The following NELL1 variants were observed in gnomAD, a reference collection of about 807,000 sequenced individuals.
NELL1 encodes neural EGFL like 1, also known as protein kinase C-binding protein NELL1.
A neutral mutation model predicts 107.4 loss-of-function variants in NELL1; 76 were observed. The observed-to-expected ratio is 0.71, with a 90% CI of 0.59 to 0.86. The LOEUF (loss-of-function observed/expected upper bound fraction) is 0.86, where lower values mean the gene tolerates loss of function less well. Ranked by LOEUF, NELL1 falls within the 40% of genes least tolerant of loss-of-function variation. NELL1 has a pLI of 0.00. For synonymous variants in NELL1, 353 were observed against 341.2 expected, an observed-to-expected ratio of 1.03 and a Z score of -0.38; for missense variants, 1,024 against 1,005.5, an observed-to-expected ratio of 1.02 and a Z score of -0.25.
chr11:20,963,499 C>T (rs1277927494), intron 12 of NELL1, among the ~76,000 whole-genome samples: 11 of 151,504 alleles, frequency 7.3e-5, no homozygotes, highest in African/African-American at 2.4e-4. Flanking sequence ...GGTTTTAACC[C>T]TATTCAATAA....
At chr11:21,564,079 G>A (rs530954499) in intron 17 of NELL1, among the ~76,000 whole-genome samples, 8 of 152,038 alleles carry the variant, frequency 5.3e-5, no homozygotes, top group African/African-American at 7.2e-5. Context: ...GCCAGGCCAC[G>A]GGATTTAGAC....
intron 13 of NELL1, among the ~76,000 whole-genome samples, chr11:21,115,401 C>T (rs1172274212): frequency 6.7e-6 from 1 of 148,694 alleles, no homozygotes; most frequent in Non-Finnish European, 1.5e-5. Flanking sequence ...TGTGTGTGTG[C>T]CTAAGAGGGA....
At chr11:21,251,402 A>G (rs895365732) in intron 14 of NELL1, among the ~76,000 whole-genome samples, 5 of 152,164 alleles carry the variant, frequency 3.3e-5, no homozygotes, top group African/African-American at 1.2e-4. Context: ...TCATGCAAAT[A>G]TGCAATTGAA....
At chr11:21,288,033 A>G (rs867505823) in intron 14 of NELL1, among the ~76,000 whole-genome samples, 3 of 40,134 alleles carry the variant, frequency 7.5e-5, no homozygotes, top group South Asian at 8.4e-4. Flanking sequence ...AAGGAAGGAA[A>G]GAAAGAAAAA....
intron 2 of NELL1, among the ~76,000 whole-genome samples, chr11:20,736,946 G>A (rs1855775986): frequency 6.6e-6 from 1 of 151,818 alleles, no homozygotes. Context: ...ATAGATACGG[G>A]GTTTCACCAT....
chr11:21,277,897 T>C (rs1848904805), intron 14 of NELL1, among the ~76,000 whole-genome samples: 1 of 152,032 alleles, frequency 6.6e-6, no homozygotes, highest in African/African-American at 2.4e-5. Flanking sequence ...CGGGGCCTGT[T>C]GTGGGGTGAG....
At chr11:20,945,811 G>A (rs1472471285) in intron 10 of NELL1, among the ~76,000 whole-genome samples, 1 of 152,212 alleles carries the variant, frequency 6.6e-6, no homozygotes, top group African/African-American at 2.4e-5. Flanking sequence ...TCATGGTCTG[G>A]ATTGAGGATT....
chr11:21,179,738 T>C (rs1856787812), intron 13 of NELL1, among the ~76,000 whole-genome samples: 1 of 151,824 alleles, frequency 6.6e-6, no homozygotes, highest in African/African-American at 2.4e-5. Flanking sequence ...GAATAGTCTT[T>C]TATTTGCTTC....
intron 15 of NELL1, among the ~76,000 whole-genome samples, chr11:21,381,692 C>A (rs985360608): frequency 6.6e-6 from 1 of 151,910 alleles, no homozygotes; most frequent in Middle Eastern, 3.2e-3. Flanking sequence ...TCAGTTCTTA[C>A]AACCTCTCAC....
chr11:21,562,730 C>T (rs921068264), intron 17 of NELL1, among the ~76,000 whole-genome samples: 8 of 152,048 alleles, frequency 5.3e-5, no homozygotes, highest in African/African-American at 1.9e-4. Context: ...ACTATCTTTT[C>T]AATCATATCC....
intron 15 of NELL1, among the ~76,000 whole-genome samples, chr11:21,467,186 G>C (rs1590954858): frequency 6.6e-6 from 1 of 152,060 alleles, no homozygotes; most frequent in Non-Finnish European, 1.5e-5. Flanking sequence ...TTGAATTGCA[G>C]ATCCCATACT....
intron 2 of NELL1, among the ~76,000 whole-genome samples, chr11:20,724,565 T>C (rs2133913505): frequency 6.6e-6 from 1 of 152,316 alleles, no homozygotes; most frequent in Non-Finnish European, 1.5e-5. Flanking sequence ...GTGACCTTTA[T>C]TCCAGTTCAC....
chr11:21,284,273 A>G (rs1367167465), intron 14 of NELL1: 1 of 457,148 alleles, frequency 2.2e-6, no homozygotes, highest in South Asian at 1.5e-5. Context: ...AGATGTAGAC[A>G]TCCTAGTTGT....
intron 15 of NELL1, among the ~76,000 whole-genome samples, chr11:21,417,820 G>T (rs10833528): frequency 6.6e-6 from 1 of 151,754 alleles, no homozygotes; most frequent in East Asian, 2.0e-4. Flanking sequence ...CCTATTAGTC[G>T]CACCTCACAT....
At chr11:20,688,342 G>A (rs80140410) in intron 2 of NELL1, among the ~76,000 whole-genome samples, 5,274 of 152,142 alleles carry the variant, frequency 0.035, 315 homozygotes, top group African/African-American at 0.12. Flanking sequence ...CAGGTAGTAA[G>A]GATAGTACCC....
chr11:21,572,529 A>C (rs1857123525), intron 18 of NELL1, among the ~76,000 whole-genome samples: 1 of 133,234 alleles, frequency 7.5e-6, no homozygotes, highest in African/African-American at 4.2e-5. Flanking sequence ...ATAGCAGAGG[A>C]AGAGGATGCA....
At chr11:20,973,312 T>C (rs967341447) in intron 12 of NELL1, among the ~76,000 whole-genome samples, 2 of 152,100 alleles carry the variant, frequency 1.3e-5, no homozygotes, top group African/African-American at 4.8e-5. Flanking sequence ...TTCTCCATGT[T>C]GGCCAGGCTG....
At chr11:21,161,779 A>T (rs1856376015) in intron 13 of NELL1, among the ~76,000 whole-genome samples, 1 of 151,812 alleles carries the variant, frequency 6.6e-6, no homozygotes, top group African/African-American at 2.4e-5. Flanking sequence ...ATATTATATA[A>T]TTTTTTCACC....
chr11:21,511,147 GTTA>G (rs1451722197), intron 15 of NELL1, among the ~76,000 whole-genome samples: 1 of 151,600 alleles, frequency 6.6e-6, no homozygotes, highest in Admixed American at 6.6e-5. Flanking sequence ...TAGGTGTTGT[GTTA>G]TTGTTGTTAA....
Sources: gnomAD v4.1 joint callset for allele counts (sites outside exome capture counted in the v4.1 genomes callset) on GRCh38, gnomAD v4.1.1 for gene constraint, MANE v1.5 for transcripts, NCBI Gene and HGNC (gene_info 2026-07-23, HGNC 2026-07-21) for gene names.